RNF175: variants seen among roughly 807,000 people sequenced by gnomAD.
RNF175 encodes ring finger protein 175.
RNF175 carries 38 observed loss-of-function variants against 50.0 expected under a neutral mutation model. The ratio of observed to expected loss-of-function variants is 0.76; its 90% CI spans 0.59 to 1.00. The LOEUF is 1.00. Ranked by LOEUF, RNF175 falls within the 50% of genes least tolerant of loss-of-function variation. The probability of loss-of-function intolerance (pLI) is 0.00; values close to 1 mark genes in which losing one functional copy is unlikely to be tolerated. For missense variants in RNF175, 388 were observed against 409.6 expected, an observed-to-expected ratio of 0.95 and a Z score of 0.46; for synonymous variants, 155 against 146.1, an observed-to-expected ratio of 1.06 and a Z score of -0.44.
intron 6 of RNF175, among the ~76,000 whole-genome samples, chr4:153,719,096 C>G (rs919217141): frequency 6.6e-5 from 10 of 152,274 alleles, no homozygotes; most frequent in Admixed American, 2.0e-4. Flanking sequence ...AGCTATTTTT[C>G]CTGATGCTCT....
At chr4:153,711,813 T>C (rs1407782023) in intron 8 of RNF175, among the ~76,000 whole-genome samples, 1 of 152,202 alleles carries the variant, frequency 6.6e-6, no homozygotes, top group Non-Finnish European at 1.5e-5. Flanking sequence ...CCTGCGACCT[T>C]AATGTGACTT....
At chr4:153,739,081 A>G (rs1739506606) in intron 3 of RNF175, among the ~76,000 whole-genome samples, 1 of 152,200 alleles carries the variant, frequency 6.6e-6, no homozygotes, top group Admixed American at 6.5e-5. Context: ...CACCCAATAC[A>G]CTGTTCCTAT....
chr4:153,759,707 G>T, intron 1 of RNF175, 90 bp downstream of exon 1: 1 of 854,666 alleles, frequency 1.2e-6, no homozygotes, highest in Non-Finnish European at 1.7e-6. Context: ...CCGGGGTCTT[G>T]GAGACCAGTC....
chr4:153,738,117 A>G (rs1739445711), intron 3 of RNF175, among the ~76,000 whole-genome samples: 1 of 152,088 alleles, frequency 6.6e-6, no homozygotes, highest in South Asian at 2.1e-4. Context: ...TGGAGAGATC[A>G]TGGCTCATTG....
At chr4:153,747,095 G>A (rs537000219) in intron 3 of RNF175, among the ~76,000 whole-genome samples, 1 of 152,288 alleles carries the variant, frequency 6.6e-6, no homozygotes, top group East Asian at 1.9e-4. Context: ...CTCTGGGCTT[G>A]TGATGGGAGG....
intron 3 of RNF175, among the ~76,000 whole-genome samples, chr4:153,742,639 C>T (rs1739733087): frequency 6.6e-6 from 1 of 152,050 alleles, no homozygotes; most frequent in Non-Finnish European, 1.5e-5. Flanking sequence ...TGGATTCTAG[C>T]CTCTCTGCAA....
intron 4 of RNF175, among the ~76,000 whole-genome samples, chr4:153,726,073 ATGTGTGTGTGTGTG>A (rs10592509): frequency 4.7e-5 from 7 of 149,042 alleles, no homozygotes; most frequent in African/African-American, 9.9e-5. Flanking sequence ...TAGTGTGTGT[ATGTGTGTGTGTGTG>A]TGTGTGTGTG....
intron 7 of RNF175, chr4:153,714,122 A>G (rs1403262618): frequency 6.6e-6 from 1 of 152,350 alleles, no homozygotes; most frequent in East Asian, 1.9e-4. Flanking sequence ...ACACATGTAC[A>G]ACAATCCCTA....
chr4:153,759,767 TC>T, intron 1 of RNF175, 29 bp downstream of exon 1: 4 of 1,424,830 alleles, frequency 2.8e-6, no homozygotes, highest in Non-Finnish European at 2.8e-6. Context: ...CGGCCTGGCG[TC>T]CCCCACGCCC....
At chr4:153,710,717 A>G (rs772734024) in intron 8 of RNF175, among the ~76,000 whole-genome samples, 3 of 152,216 alleles carry the variant, frequency 2.0e-5, no homozygotes, top group Non-Finnish European at 4.4e-5. Context: ...TTACAATAAA[A>G]TCCCAAACTA....
intron 3 of RNF175, among the ~76,000 whole-genome samples, chr4:153,743,494 C>G (rs1391475858): frequency 1.3e-5 from 2 of 152,126 alleles, no homozygotes; most frequent in African/African-American, 4.8e-5. Flanking sequence ...TATGAGCTAA[C>G]CCAGCAGAGT....
intron 7 of RNF175, 63 bp downstream of exon 7, chr4:153,715,466 G>T (rs1429434474): frequency 6.8e-7 from 1 of 1,481,160 alleles, no homozygotes. Flanking sequence ...AGGAGGAGGA[G>T]GAGGAGAAGG....
chr4:153,718,238 G>T (rs6832893), intron 6 of RNF175, among the ~76,000 whole-genome samples: 64,166 of 81,206 alleles, frequency 0.79, 23,980 homozygotes, highest in East Asian at 0.86. Flanking sequence ...TTGTTTGTTT[G>T]TTTTTTTTTT....
At chr4:153,718,688 T>C (rs994519885) in intron 6 of RNF175, among the ~76,000 whole-genome samples, 34 of 152,194 alleles carry the variant, frequency 2.2e-4, no homozygotes, top group Admixed American at 2.2e-3. Context: ...AACTTCTGTT[T>C]TTTCTTGGAG....
At chr4:153,725,600 G>T (rs2606343) in intron 4 of RNF175, among the ~76,000 whole-genome samples, 139,834 of 152,284 alleles carry the variant, frequency 0.92, 64,526 homozygotes, top group Non-Finnish European at 0.96. Flanking sequence ...ATAGCATGCT[G>T]TTGGGAGCAG....
intron 6 of RNF175, among the ~76,000 whole-genome samples, chr4:153,716,080 A>G (rs1041171303): frequency 8.4e-5 from 12 of 143,166 alleles, no homozygotes; most frequent in African/African-American, 2.7e-4. Flanking sequence ...AAAAAAAAAA[A>G]AAAAAAGAAT....
intron 2 of RNF175, 115 bp downstream of exon 2, chr4:153,751,323 C>A: frequency 1.3e-6 from 1 of 770,746 alleles, no homozygotes; most frequent in Non-Finnish European, 2.2e-6. Context: ...CCTACCCCAT[C>A]TTCTCTATCC....
Position 153,712,587 on chromosome 4 carries a change from T to G in RNF175, c.765-11A>C. 6.4e-7 allele frequency: 1 copy of G among 1,570,312 alleles called. No individual in the cohort carries two copies. Among genetic ancestry groups the G allele is most frequent in the Admixed American group, 1.7e-5 (1 of 59,444 alleles). ...CAGAATTCATGAAAGCTGAAGCATC[T>G]TGTTAGGGAGGCTTCTAGATATGAA... On this transcript the variant is annotated splice_polypyrimidine_tract_variant and intron_variant, in intron 7 of 8. Coordinates refer to ENST00000347063, the MANE Select transcript of RNF175 (RefSeq NM_173662.4).
chr4:153,719,604 T>C (rs1348546293), intron 6 of RNF175, among the ~76,000 whole-genome samples: 1 of 151,960 alleles, frequency 6.6e-6, no homozygotes, highest in Non-Finnish European at 1.5e-5. Context: ...TTAAAAGAGT[T>C]CAAAAAAAGA....
Sources: allele counts gnomAD v4.1 joint callset (sites outside exome capture counted in the v4.1 genomes callset), GRCh38; gene constraint gnomAD v4.1.1; transcripts MANE v1.5; gene names NCBI Gene and HGNC (gene_info 2026-07-23, HGNC 2026-07-21).